The following CCDC171 variants were observed in gnomAD, a reference collection of about 807,000 sequenced individuals.
CCDC171 encodes the protein coiled-coil domain-containing protein 171.
CCDC171 carries 177 observed loss-of-function variants against 168.2 expected under a neutral mutation model. The ratio of observed to expected loss-of-function variants is 1.05; its 90% CI spans 0.93 to 1.19. The LOEUF is 1.19. Ranked by LOEUF, CCDC171 falls within the 50% of genes most tolerant of loss-of-function variation. CCDC171 has a pLI of 0.00. For synonymous variants in CCDC171, 687 were observed against 540.8 expected (o/e 1.27, Z -3.75); for missense variants, 1,991 against 1,539.0 (o/e 1.29, Z -4.91).
At chr9:15,694,799 A>T (rs1027970101) in intron 10 of CCDC171, among the ~76,000 whole-genome samples, 36 of 152,314 alleles carry the variant, frequency 2.4e-4, no homozygotes, top group African/African-American at 8.7e-4. Context: ...AAGTACTGTC[A>T]CTTGACTGCT....
Position 15,729,740 on chromosome 9 carries a change from A to AGAAG in CCDC171, c.1995_1998dup (p.Leu667GlyfsTer8). ...CAAGAGAGCTGCTGGCACAGACAAA[A>AGAAG]GAAGGAACTAGAGCTGCAGTATTCT... is the stretch of plus-strand genomic sequence containing the variant. On this transcript the variant is annotated frameshift_variant, in exon 16 of 26. Transcript: ENST00000380701. LOFTEE classifies it high-confidence loss of function. 1 of 1,613,442 alleles carries AGAAG rather than the reference A, an allele frequency of 6.2e-7. No individual in the cohort carries two copies. Among genetic ancestry groups the AGAAG allele is most frequent in the African/African-American group, 1.3e-5 (1 of 75,022 alleles).
intron 6 of CCDC171, among the ~76,000 whole-genome samples, chr9:15,612,097 G>T (rs2043739892): frequency 6.6e-6 from 1 of 152,132 alleles, no homozygotes; most frequent in Non-Finnish European, 1.5e-5. Flanking sequence ...CCAACACCTT[G>T]ATCTTGTATT....
intron 11 of CCDC171, among the ~76,000 whole-genome samples, chr9:15,701,159 A>G (rs1309432499): frequency 6.6e-6 from 1 of 152,116 alleles, no homozygotes; most frequent in African/African-American, 2.4e-5. Context: ...TTTGATGAAT[A>G]GTTTGTAAAT....
chr9:15,906,357 A>G (rs9407677), intron 24 of CCDC171, among the ~76,000 whole-genome samples: 130,298 of 152,190 alleles, frequency 0.86, 55,856 homozygotes, highest in East Asian at 0.96. Flanking sequence ...TGGGATGCAA[A>G]GCTGGTTCAA....
At chr9:15,889,760 C>A (rs1342841698) in intron 24 of CCDC171, among the ~76,000 whole-genome samples, 1 of 152,168 alleles carries the variant, frequency 6.6e-6, no homozygotes, top group Non-Finnish European at 1.5e-5. Flanking sequence ...ACTCAACATT[C>A]TAATGTGTTC....
At position 15,806,131 on chromosome 9, in the gene CCDC171, G is replaced by C. The variant is rs147139100; in HGVS notation, c.3267+21437G>C. On this transcript the variant is annotated intron_variant, in intron 21 of 25. Coordinates refer to ENST00000380701, the MANE Select transcript of CCDC171 (RefSeq NM_173550.4). ...TTATTTTGAGCCTACCTGTGTCTTTGCATGTGAGATGAGTCTCTTGAAGAC... is the reference window on the plus strand; with the variant it reads ...TTATTTTGAGCCTACCTGTGTCTTTCCATGTGAGATGAGTCTCTTGAAGAC... Among the ~76,000 whole-genome samples, 111 of 152,082 alleles carry C rather than the reference G, an allele frequency of 7.3e-4. 1 individual carries two copies. Among genetic ancestry groups the C allele is most frequent in the African/African-American group, 2.5e-3 (102 of 41,484 alleles).
chr9:16,100,546 C>T, the CCDC171 span, among the ~76,000 whole-genome samples: 1 of 152,214 alleles, frequency 6.6e-6, no homozygotes, highest in Admixed American at 6.5e-5. Context: ...CTCATGAAAG[C>T]TCCTTTCCTA....
chr9:15,605,473 AT>A (rs1356033461), intron 6 of CCDC171, among the ~76,000 whole-genome samples: 1 of 145,868 alleles, frequency 6.9e-6, no homozygotes, highest in Non-Finnish European at 1.5e-5. Context: ...AGGTCAGGAG[AT>A]TGAGACCATC....
At chr9:15,605,259 G>A (rs985998171) in intron 6 of CCDC171, among the ~76,000 whole-genome samples, 8 of 151,928 alleles carry the variant, frequency 5.3e-5, no homozygotes, top group African/African-American at 1.7e-4. Flanking sequence ...AACACCTTAA[G>A]GAAGTTTACC....
chr9:15,610,481 A>AGG (rs1564044335), intron 6 of CCDC171, among the ~76,000 whole-genome samples: 13 of 136,810 alleles, frequency 9.5e-5, no homozygotes, highest in African/African-American at 3.6e-4. Context: ...AAAAAAAAAA[A>AGG]CTGGGCGTGG....
chr9:15,751,635 G>A (rs1177960734), intron 18 of CCDC171, among the ~76,000 whole-genome samples: 4 of 152,122 alleles, frequency 2.6e-5, no homozygotes, highest in Non-Finnish European at 5.9e-5. Flanking sequence ...TCTTTGACAA[G>A]CCTGACAAAA....
At chr9:15,666,383 A>G in intron 9 of CCDC171, 60 bp downstream of exon 9, 1 of 1,200,394 alleles carries the variant, frequency 8.3e-7, no homozygotes, top group Non-Finnish European at 1.2e-6. Context: ...GAGCTATATA[A>G]AATATGAATG....
intron 8 of CCDC171, chr9:16,036,216 A>G (rs1833464193): frequency 6.6e-6 from 1 of 152,260 alleles, no homozygotes; most frequent in Admixed American, 6.5e-5. Context: ...GGTGAGAAAG[A>G]CACAGAAACT....
chr9:15,792,485 A>G (rs1357213402), intron 21 of CCDC171, among the ~76,000 whole-genome samples: 1 of 152,034 alleles, frequency 6.6e-6, no homozygotes, highest in Non-Finnish European at 1.5e-5. Flanking sequence ...CCACAAAGAT[A>G]CTCCTTGAGA....
intron 21 of CCDC171, among the ~76,000 whole-genome samples, chr9:15,791,841 G>A (rs1225358633): frequency 8.5e-5 from 13 of 152,302 alleles, no homozygotes; most frequent in African/African-American, 3.1e-4. Context: ...CATCATCAAA[G>A]ACCAAAGGTA....
chr9:15,767,005 A>G (rs1275265205), intron 18 of CCDC171, among the ~76,000 whole-genome samples: 3 of 152,156 alleles, frequency 2.0e-5, no homozygotes, highest in Admixed American at 6.5e-5. Context: ...GTTTTTTTTA[A>G]AAATGCCAAA....
intron 12 of CCDC171, among the ~76,000 whole-genome samples, chr9:15,722,564 A>G (rs2053552148): frequency 6.6e-6 from 1 of 152,242 alleles, no homozygotes; most frequent in South Asian, 2.1e-4. Context: ...AAGTAATTAC[A>G]TTAAATACAA....
At chr9:16,068,331 T>C in the CCDC171 span, among the ~76,000 whole-genome samples, 87 of 152,058 alleles carry the variant, frequency 5.7e-4, no homozygotes, top group Non-Finnish European at 9.1e-4. Context: ...TGGAAGAACA[T>C]TCAATGCTCA....
intron 6 of CCDC171, among the ~76,000 whole-genome samples, chr9:16,026,241 G>T (rs1023309513): frequency 9.2e-5 from 14 of 152,080 alleles, no homozygotes; most frequent in Non-Finnish European, 1.8e-4. Context: ...CCAGAGCCAG[G>T]GTCTCAACAG....
Sources: allele counts gnomAD v4.1 joint callset (sites outside exome capture counted in the v4.1 genomes callset), GRCh38; gene constraint gnomAD v4.1.1; transcripts MANE v1.5; gene names NCBI Gene and HGNC (gene_info 2026-07-23, HGNC 2026-07-21).